Variants in RAPGEF4 observed in about 807,000 individuals in gnomAD.
RAPGEF4 encodes Rap guanine nucleotide exchange factor 4.
A neutral mutation model predicts 147.9 loss-of-function variants in RAPGEF4; 66 were observed. That is an observed-to-expected ratio of 0.45 (90% CI 0.37 to 0.55). RAPGEF4 has a LOEUF of 0.55. RAPGEF4 is among the 20% of genes least tolerant of loss of function. RAPGEF4 has a pLI of 0.00. For synonymous variants in RAPGEF4, 419 were observed against 442.7 expected (o/e 0.95, Z 0.67); for missense variants, 1,071 against 1,257.3 (o/e 0.85, Z 2.24).
chr2:172,901,989 T>A (rs1239859329), intron 4 of RAPGEF4, among the ~76,000 whole-genome samples: 1 of 150,750 alleles, frequency 6.6e-6, no homozygotes, highest in East Asian at 1.9e-4. Flanking sequence ...ACTGGGGGAG[T>A]CATGAGGACT....
chr2:173,024,126 G>C (rs188357775), intron 23 of RAPGEF4, among the ~76,000 whole-genome samples: 19 of 152,262 alleles, frequency 1.2e-4, no homozygotes, highest in African/African-American at 4.6e-4. Context: ...AGAGTAAATT[G>C]GGAGCAACAG....
intron 1 of RAPGEF4, among the ~76,000 whole-genome samples, chr2:172,791,771 T>C (rs1410596531): frequency 6.6e-6 from 1 of 152,228 alleles, no homozygotes; most frequent in African/African-American, 2.4e-5. Flanking sequence ...GTTCTGAAGC[T>C]TGAAGTTCTT....
chr2:172,943,507 G>A (rs1386231138), intron 6 of RAPGEF4, among the ~76,000 whole-genome samples: 1 of 152,128 alleles, frequency 6.6e-6, no homozygotes, highest in Admixed American at 6.5e-5. Flanking sequence ...GACTCACTTG[G>A]CACACAGCAT....
chr2:172,932,785 A>G (rs1471541587), intron 6 of RAPGEF4, among the ~76,000 whole-genome samples: 2 of 152,188 alleles, frequency 1.3e-5, no homozygotes, highest in Admixed American at 6.5e-5. Flanking sequence ...TCTCTTATGG[A>G]TCACCCTCAT....
rs908294903 is a variant in RAPGEF4 at position 173,036,664 on chromosome 2, T to C, written c.2825T>C (p.Ile942Thr). The change falls in exon 29 of 31, where the codon ATT becomes ACT. Residue 942 changes from isoleucine to threonine, a missense_variant. Coordinates refer to ENST00000397081, the MANE Select transcript of RAPGEF4 (RefSeq NM_007023.4). The part of the protein sequence containing the change: ...TFTHEGNKTF[I>T]DNLVNFEKMR... ...ACTCATGAGGGGAACAAGACGTTCA[T>C]TGACAATCTAGTAAACTTTGAAAAA... The C allele has an allele frequency of 1.2e-6, 2 of 1,611,862 alleles. No homozygotes were observed. The highest frequency in any genetic ancestry group is 1.7e-5 in the Admixed American group (1 of 59,850).
chr2:172,754,910 G>A (rs1026446732), intron 1 of RAPGEF4, among the ~76,000 whole-genome samples: 3 of 152,088 alleles, frequency 2.0e-5, no homozygotes, highest in Admixed American at 6.5e-5. Flanking sequence ...GGGCCTGGTG[G>A]CAGGCACCTG....
chr2:173,036,014 T>A, intron 27 of RAPGEF4, 111 bp from the exon 28 acceptor site: 2 of 804,618 alleles, frequency 2.5e-6, no homozygotes, highest in South Asian at 1.5e-5. Flanking sequence ...CCTGTGTTGT[T>A]CAAAGGTCAA....
chr2:173,050,470 G>A (rs1686053795), intron 30 of RAPGEF4, among the ~76,000 whole-genome samples: 1 of 152,138 alleles, frequency 6.6e-6, no homozygotes, highest in Non-Finnish European at 1.5e-5. Flanking sequence ...TGTGCAGATG[G>A]CATTCTAATT....
chr2:172,836,384 C>T (rs192303944), intron 4 of RAPGEF4, among the ~76,000 whole-genome samples: 1 of 152,364 alleles, frequency 6.6e-6, no homozygotes, highest in African/African-American at 2.4e-5. Flanking sequence ...ACCACCAGAA[C>T]TCAACTTCGT....
chr2:172,934,389 G>T (rs1273072269), intron 6 of RAPGEF4, among the ~76,000 whole-genome samples: 1 of 151,842 alleles, frequency 6.6e-6, no homozygotes, highest in Admixed American at 6.6e-5. Flanking sequence ...GACCTCAGGC[G>T]ATCCACCTGC....
intron 4 of RAPGEF4, among the ~76,000 whole-genome samples, chr2:172,839,677 G>T (rs191546128): frequency 6.6e-6 from 1 of 151,508 alleles, no homozygotes; most frequent in African/African-American, 2.4e-5. Flanking sequence ...CAGCCCGGTA[G>T]GTTTCAGCCT....
At chr2:173,031,885 T>C (rs565635324) in intron 26 of RAPGEF4, among the ~76,000 whole-genome samples, 3 of 152,192 alleles carry the variant, frequency 2.0e-5, no homozygotes, top group South Asian at 2.1e-4. Context: ...CTAAGCACCT[T>C]TGATTCTAGT....
rs774180882 is a variant in RAPGEF4 at position 173,014,455 on chromosome 2, C to A, written c.1659-9C>A. ...AAATGGCTCAATTTCTTCCTTGACT[C>A]CTCGGCACCTACCACGCACAGCCTT... On this transcript the variant is annotated splice_polypyrimidine_tract_variant and intron_variant, in intron 17 of 30. Coordinates refer to ENST00000397081, the MANE Select transcript of RAPGEF4 (RefSeq NM_007023.4). 3.7e-6 allele frequency: 6 copies of A among 1,613,656 alleles called. No individual in the cohort carries two copies. Among genetic ancestry groups the A allele is most frequent in the Admixed American group, 1.7e-5 (1 of 59,978 alleles).
intron 27 of RAPGEF4, among the ~76,000 whole-genome samples, chr2:173,035,543 G>A (rs992386563): frequency 1.1e-4 from 16 of 151,770 alleles, no homozygotes; most frequent in South Asian, 8.3e-4. Context: ...TCTCACTTGG[G>A]GTCTCACTAT....
At chr2:172,884,244 T>G (rs1696935372) in intron 4 of RAPGEF4, among the ~76,000 whole-genome samples, 1 of 152,216 alleles carries the variant, frequency 6.6e-6, no homozygotes, top group Non-Finnish European at 1.5e-5. Flanking sequence ...GAAAATGGTC[T>G]GAAATATTTT....
At chr2:173,027,372 C>A in intron 25 of RAPGEF4, 113 bp downstream of exon 25, 2 of 818,468 alleles carry the variant, frequency 2.4e-6, no homozygotes, top group Non-Finnish European at 3.6e-6. Flanking sequence ...GCTAGAGGGC[C>A]AAACACAGGG....
intron 11 of RAPGEF4, among the ~76,000 whole-genome samples, chr2:172,984,362 G>A (rs1390089478): frequency 6.6e-6 from 1 of 152,134 alleles, no homozygotes; most frequent in Non-Finnish European, 1.5e-5. Context: ...CCTCACAGTA[G>A]CAGTACCTGC....
At position 172,950,844 on chromosome 2, in the gene RAPGEF4, A is replaced by G. The variant is rs530342293; in HGVS notation, c.538-9916A>G. 6.2e-4 allele frequency among the ~76,000 whole-genome samples: 94 copies of G among 152,374 alleles called. No homozygotes were observed. The South Asian group carries it at 0.019, about 31-fold the overall frequency. On this transcript the variant is annotated intron_variant, in intron 6 of 30. Transcript: ENST00000397081. The stretch of plus-strand genomic sequence containing the variant: ...GTTAGAATGATGACCTTATGATTAT[A>G]TTGACTAGATCCAATCTTTAGAAAT...
chr2:173,035,113 G>T (rs975835515), intron 27 of RAPGEF4, among the ~76,000 whole-genome samples: 7 of 151,572 alleles, frequency 4.6e-5, no homozygotes, highest in East Asian at 1.9e-4. Flanking sequence ...GGAGTGCAGT[G>T]GTGCAATCAT....
Sources: allele counts gnomAD v4.1 joint callset (sites outside exome capture counted in the v4.1 genomes callset), GRCh38; gene constraint gnomAD v4.1.1; transcripts MANE v1.5; gene names NCBI Gene and HGNC (gene_info 2026-07-23, HGNC 2026-07-21).